ECT2L: variants seen among roughly 807,000 people sequenced by gnomAD.
The protein encoded by ECT2L is epithelial cell transforming 2 like.
A neutral mutation model predicts 122.8 loss-of-function variants in ECT2L; 126 were observed. That is an observed-to-expected ratio of 1.03 (90% CI 0.89 to 1.19). The LOEUF is 1.19. ECT2L is among the 50% of genes most tolerant of loss of function. The pLI, the probability that ECT2L is intolerant of heterozygous loss-of-function variation, is 0.00. For missense variants in ECT2L, 1,012 were observed against 1,064.1 expected, an observed-to-expected ratio of 0.95 and a Z score of 0.68; for synonymous variants, 385 against 381.8, an observed-to-expected ratio of 1.01 and a Z score of -0.10.
chr6:138,900,778 G>A (rs992362261), intron 20 of ECT2L, among the ~76,000 whole-genome samples, 170 bp from the exon 21 acceptor site: 16 of 152,086 alleles, frequency 1.1e-4, no homozygotes, highest in Admixed American at 2.0e-4. Context: ...ACACAGGAGG[G>A]GCGAATCACA....
At chr6:138,893,186 T>G (rs201236553) in intron 20 of ECT2L, among the ~76,000 whole-genome samples, 296 of 123,454 alleles carry the variant, frequency 2.4e-3, no homozygotes, top group Non-Finnish European at 3.4e-3. Flanking sequence ...TTTTTTTTTG[T>G]TTTTTTTTGT....
At chr6:138,822,584 TAAA>T (rs1481490237) in intron 4 of ECT2L, among the ~76,000 whole-genome samples, 7 of 147,132 alleles carry the variant, frequency 4.8e-5, no homozygotes, top group Non-Finnish European at 1.0e-4. Flanking sequence ...AACAAACAAA[TAAA>T]AATGGTGGAG....
intron 20 of ECT2L, among the ~76,000 whole-genome samples, chr6:138,898,153 C>T (rs181144299): frequency 3.8e-4 from 58 of 152,334 alleles, no homozygotes; most frequent in African/African-American, 1.4e-3. Context: ...CCACAGACTG[C>T]CCATCACAGA....
In ECT2L at chr6:138,894,410, A is replaced by G. The variant is rs137928074; in HGVS notation, c.2414+5379A>G. Among the ~76,000 whole-genome samples, 26 of 152,314 alleles carry G rather than the reference A, an allele frequency of 1.7e-4. 1 individual carries two copies. In the East Asian group the frequency reaches 5.0e-3, roughly 29 times the overall value. On this transcript the variant is annotated intron_variant, in intron 20 of 21. Coordinates refer to ENST00000541398, the MANE Select transcript of ECT2L (RefSeq NM_001077706.3). ...GGAAGCTGGAGGTCTAATTATCAGAAATTAGACTTTGGTCTACAGTACTTG... is the reference window on the plus strand; with the variant it reads ...GGAAGCTGGAGGTCTAATTATCAGAGATTAGACTTTGGTCTACAGTACTTG...
At chr6:138,883,085 G>C (rs1320821750) in intron 16 of ECT2L, among the ~76,000 whole-genome samples, 1 of 152,136 alleles carries the variant, frequency 6.6e-6, no homozygotes, top group Non-Finnish European at 1.5e-5. Context: ...TTCTTAAACT[G>C]AACTCATCCT....
intron 16 of ECT2L, among the ~76,000 whole-genome samples, chr6:138,884,337 A>G (rs1185450398): frequency 1.3e-5 from 2 of 152,052 alleles, no homozygotes; most frequent in Admixed American, 6.6e-5. Flanking sequence ...AAATGAATAC[A>G]TTTTAAAACA....
chr6:138,876,725 T>C (rs1778466469), intron 14 of ECT2L, among the ~76,000 whole-genome samples, 167 bp downstream of exon 14: 1 of 152,158 alleles, frequency 6.6e-6, no homozygotes, highest in African/African-American at 2.4e-5. Flanking sequence ...AGACTTTTTT[T>C]TCAAATAAGC....
chr6:138,824,891 AC>A (rs1487934133), intron 4 of ECT2L, among the ~76,000 whole-genome samples: 4 of 152,000 alleles, frequency 2.6e-5, no homozygotes, highest in Non-Finnish European at 5.9e-5. Context: ...TTCTGGCTCC[AC>A]CCCCCGGAAC....
chr6:138,833,148 C>T (rs1366015137), intron 4 of ECT2L, among the ~76,000 whole-genome samples: 1 of 152,140 alleles, frequency 6.6e-6, no homozygotes, highest in Non-Finnish European at 1.5e-5. Context: ...ACCACCAGGT[C>T]CCTCCCTTGA....
At chr6:138,897,888 G>A (rs1432102880) in intron 20 of ECT2L, among the ~76,000 whole-genome samples, 1 of 152,028 alleles carries the variant, frequency 6.6e-6, no homozygotes, top group African/African-American at 2.4e-5. Flanking sequence ...CCCTTCCAAA[G>A]GAAAAAACTG....
intron 12 of ECT2L, among the ~76,000 whole-genome samples, chr6:138,866,815 G>A (rs1004715543): frequency 1.3e-5 from 2 of 152,150 alleles, no homozygotes; most frequent in African/African-American, 4.8e-5. Flanking sequence ...GCTCATGCCT[G>A]TAATCCCAGC....
intron 20 of ECT2L, among the ~76,000 whole-genome samples, chr6:138,898,088 C>T (rs555748883): frequency 6.6e-6 from 1 of 152,130 alleles, no homozygotes; most frequent in Admixed American, 6.5e-5. Context: ...CCCCTTCTCC[C>T]CCAAAAAAGC....
rs1162841756 is a variant in ECT2L at position 138,843,162 on chromosome 6, G to C, written c.526G>C (p.Glu176Gln). ...TLNEPKTEDE[E>Q]LLERQREKCL... ...GAATGAACCCAAAACAGAAGATGAG[G>C]AACTACTGGAGAGACAAAGAGAAAA... The change falls in exon 6 of 22, where the codon GAA becomes CAA. Residue 176 changes from glutamate (E) to glutamine (Q), a missense_variant. Coordinates refer to ENST00000541398, the MANE Select transcript of ECT2L (RefSeq NM_001077706.3). 1 of 1,613,776 alleles carries C rather than the reference G, an allele frequency of 6.2e-7. No homozygotes were observed. The highest frequency in any genetic ancestry group is 8.5e-7 in the Non-Finnish European group (1 of 1,179,888).
At position 138,868,174 on chromosome 6, in the gene ECT2L, G is replaced by A; in HGVS notation, c.1546G>A (p.Asp516Asn). The A allele has an allele frequency of 6.2e-7, 1 of 1,613,590 alleles. No homozygotes were observed. Among genetic ancestry groups the A allele is most frequent in the South Asian group, 1.1e-5 (1 of 90,864 alleles). Residue 516 changes from aspartate to asparagine, a missense_variant, in exon 13 of 22, where the codon GAT (aspartate) becomes AAT (asparagine). Physicochemically the swap from Asp to Asn is conservative, Grantham distance 23. Transcript: ENST00000541398. ...CCAAGATACTGCGCAAGCTCTGGCA[G>A]ATGGATTGATGGAGTTGTCAAAAGA... ...NNQDTAQALA[D>N]GLMELSKEDS... is the part of the protein sequence containing the mutation.
rs953540608 is a variant in ECT2L at position 138,836,382 on chromosome 6, A to G, written c.180-1970A>G. Among the ~76,000 whole-genome samples, 3 of 144,996 alleles carry G rather than the reference A, an allele frequency of 2.1e-5. No homozygotes were observed. The East Asian group carries it at 6.1e-4, about 30-fold the overall frequency. On this transcript the variant is annotated intron_variant, in intron 4 of 21. Transcript: ENST00000541398. ...CGGCTCACTGCAACCTCCACCTCCC[A>G]TGTTCAAGCGATTCTCCTGCCTCAG...
At chr6:138,833,539 GTGTCATCTCCTTT>G (rs1212319731) in intron 4 of ECT2L, among the ~76,000 whole-genome samples, 1 of 152,082 alleles carries the variant, frequency 6.6e-6, no homozygotes, top group African/African-American at 2.4e-5. Flanking sequence ...CCTTGCCCTT[GTGTCATCTCCTTT>G]TGGCCCCATT....
chr6:138,862,562 A>G, intron 10 of ECT2L, 65 bp from the exon 11 acceptor site: 1 of 1,468,396 alleles, frequency 6.8e-7, no homozygotes, highest in Non-Finnish European at 9.5e-7. Flanking sequence ...ACAAATATCC[A>G]AGTTATATGA....
intron 1 of ECT2L, among the ~76,000 whole-genome samples, chr6:138,799,690 G>A (rs1056398030): frequency 1.3e-5 from 2 of 152,110 alleles, no homozygotes; most frequent in Non-Finnish European, 2.9e-5. Flanking sequence ...CTCCCAACTA[G>A]CTAGGACTAC....
intron 21 of ECT2L, among the ~76,000 whole-genome samples, chr6:138,901,660 C>T (rs933019039): frequency 2.6e-5 from 4 of 152,108 alleles, no homozygotes; most frequent in Non-Finnish European, 4.4e-5. Context: ...CATTTTGTCA[C>T]GAAAACGAAA....
Sources: allele counts gnomAD v4.1 joint callset (sites outside exome capture counted in the v4.1 genomes callset), GRCh38; gene constraint gnomAD v4.1.1; transcripts MANE v1.5; gene names NCBI Gene and HGNC (gene_info 2026-07-23, HGNC 2026-07-21).